Variants in HMCN1 observed in about 807,000 individuals in gnomAD.
HMCN1 encodes hemicentin 1.
A neutral mutation model predicts 625.9 loss-of-function variants in HMCN1; 321 were observed. The observed-to-expected ratio is 0.51, with a 90% confidence interval of 0.47 to 0.56. HMCN1 has a LOEUF of 0.56. HMCN1 is among the 20% of genes least tolerant of loss of function. The probability of loss-of-function intolerance (pLI) is 0.00; values close to 1 mark genes in which losing one functional copy is unlikely to be tolerated. For synonymous variants in HMCN1, 2,425 were observed against 2,417.6 expected (o/e 1.00, Z -0.09); for missense variants, 6,588 against 6,887.3 (o/e 0.96, Z 1.54).
intron 97 of HMCN1, among the ~76,000 whole-genome samples, chr1:186,158,400 A>G (rs1651182805): frequency 6.6e-6 from 1 of 151,928 alleles, no homozygotes; most frequent in African/African-American, 2.4e-5. Context: ...CTGTTCACTC[A>G]TGGTAGTTTC....
chr1:186,026,181 G>A (rs1242108349), intron 36 of HMCN1, among the ~76,000 whole-genome samples: 1 of 152,136 alleles, frequency 6.6e-6, no homozygotes, highest in Non-Finnish European at 1.5e-5. Context: ...CTGATAATTG[G>A]AGATGTTAAA....
chr1:186,117,869 A>G (rs1351490081), intron 77 of HMCN1, among the ~76,000 whole-genome samples: 1 of 152,170 alleles, frequency 6.6e-6, no homozygotes, highest in Non-Finnish European at 1.5e-5. Flanking sequence ...TATAATAAAC[A>G]TGATCACCGG....
chr1:185,879,107 A>G (rs77718623), intron 4 of HMCN1, among the ~76,000 whole-genome samples: 4,184 of 152,280 alleles, frequency 0.027, 176 homozygotes, highest in African/African-American at 0.09. Context: ...TTCTATTTTC[A>G]TAATTGCCTT....
chr1:185,863,116 A>T (rs1662974561), intron 2 of HMCN1, among the ~76,000 whole-genome samples: 3 of 152,200 alleles, frequency 2.0e-5, no homozygotes, highest in Admixed American at 2.0e-4. Context: ...AAAATCAAAT[A>T]GGATTTCCAG....
Position 185,912,571 on chromosome 1 carries a change from A to G in HMCN1, c.900+791A>G, listed in dbSNP as rs191391231. Among the ~76,000 whole-genome samples, 14 of 151,836 alleles carry G rather than the reference A, an allele frequency of 9.2e-5. No homozygotes were observed. In the East Asian group the frequency reaches 1.9e-3, roughly 21 times the overall value. On this transcript the variant is annotated intron_variant, in intron 6 of 106. Transcript: ENST00000271588. ...CAGATGCCCTGAGTGACTTGCCCAT[A>G]TTTCTCAGGCTTTTCAGTGTACTTC... is the stretch of plus-strand genomic sequence containing the variant.
intron 4 of HMCN1, among the ~76,000 whole-genome samples, chr1:185,885,343 A>G (rs986429885): frequency 1.3e-5 from 2 of 151,998 alleles, no homozygotes; most frequent in African/African-American, 4.8e-5. Flanking sequence ...AAAGACCATG[A>G]TTATATGGTT....
In HMCN1 at chr1:186,125,689, C is replaced by A. The variant is rs1661607692; in HGVS notation, c.12585C>A (p.Ile4195=). 1.9e-6 allele frequency: 3 copies of A among 1,612,080 alleles called. No homozygotes were observed. The highest frequency in any genetic ancestry group is 2.7e-5 in the African/African-American group (2 of 74,946). ...QAILPCVADG[I]PTPAINWKKD... is the part of the protein sequence containing the mutation. ...TTCTTCCATGCGTAGCTGATGGAAT[C>A]CCCACACCAGCAATTAACTGGAAAA... is the stretch of plus-strand genomic sequence containing the variant. The change falls in exon 82 of 107, where the codon ATC becomes ATA. Residue 4195 remains isoleucine (I), a synonymous_variant. Coordinates refer to ENST00000271588, the MANE Select transcript of HMCN1 (RefSeq NM_031935.3).
At chr1:185,930,285 C>A (rs1203759546) in intron 10 of HMCN1, among the ~76,000 whole-genome samples, 2 of 152,158 alleles carry the variant, frequency 1.3e-5, no homozygotes, top group African/African-American at 4.8e-5. Context: ...CAGCAGAAGT[C>A]ACAAGTGAGT....
intron 1 of HMCN1, among the ~76,000 whole-genome samples, chr1:185,828,090 G>A (rs1660633709): frequency 6.6e-6 from 1 of 152,150 alleles, no homozygotes; most frequent in African/African-American, 2.4e-5. Flanking sequence ...TAGAAGAAAA[G>A]TTAAGCAAGA....
intron 82 of HMCN1, 59 bp from the exon 83 acceptor site, chr1:186,128,019 A>AT: frequency 1.4e-6 from 2 of 1,436,676 alleles, no homozygotes; most frequent in South Asian, 2.3e-5. Flanking sequence ...AATTTGATGT[A>AT]TTTTATGTAC....
At chr1:186,152,652 C>A (rs972588700) in intron 95 of HMCN1, 98 bp from the exon 96 acceptor site, 3 of 1,476,246 alleles carry the variant, frequency 2.0e-6, no homozygotes, top group African/African-American at 1.4e-5. Context: ...AGTTTGAACT[C>A]AAAAAGCATA....
In HMCN1 at chr1:186,119,899, T is replaced by A; in HGVS notation, c.12094+17T>A. Reference sequence around the variant, plus strand: ...ACACTTCAGGTACCTACCACTGTTTTTCTATCAAGAAAATCATAGCACATC... The same window carrying A: ...ACACTTCAGGTACCTACCACTGTTTATCTATCAAGAAAATCATAGCACATC... On this transcript the variant is annotated intron_variant, in intron 79 of 106. Transcript: ENST00000271588. 1 of 1,614,096 alleles carries A rather than the reference T, an allele frequency of 6.2e-7. No homozygotes were observed. The highest frequency in any genetic ancestry group is 8.5e-7 in the Non-Finnish European group (1 of 1,179,958).
intron 48 of HMCN1, among the ~76,000 whole-genome samples, chr1:186,063,034 A>ATGTG (rs376321567): frequency 0.015 from 1,417 of 95,044 alleles, 23 homozygotes; most frequent in Non-Finnish European, 0.019. Context: ...ATTCCATGGA[A>ATGTG]TGTGTGTGTG....
chr1:186,134,685 TG>T (rs1462935700), intron 86 of HMCN1, among the ~76,000 whole-genome samples: 2 of 152,188 alleles, frequency 1.3e-5, no homozygotes, highest in Admixed American at 6.6e-5. Context: ...AACACATTTT[TG>T]TTCTATTTTT....
chr1:186,012,714 AT>A (rs1654084153), intron 30 of HMCN1, among the ~76,000 whole-genome samples: 1 of 152,162 alleles, frequency 6.6e-6, no homozygotes. Flanking sequence ...CCTCTCAGAA[AT>A]TTAGTTTGGT....
At chr1:185,893,343 A>G (rs1665270285) in intron 4 of HMCN1, among the ~76,000 whole-genome samples, 1 of 152,132 alleles carries the variant, frequency 6.6e-6, no homozygotes, top group African/African-American at 2.4e-5. Flanking sequence ...CCACTTGGGG[A>G]GACTTAAAAG....
chr1:185,870,999 A>G (rs1450092894), intron 4 of HMCN1, among the ~76,000 whole-genome samples: 2 of 152,030 alleles, frequency 1.3e-5, no homozygotes, highest in Non-Finnish European at 2.9e-5. Flanking sequence ...TGGGAGGCCA[A>G]GGTGGGCGGA....
intron 4 of HMCN1, among the ~76,000 whole-genome samples, chr1:185,887,441 A>G (rs1422805977): frequency 5.3e-5 from 8 of 149,834 alleles, no homozygotes; most frequent in Non-Finnish European, 1.0e-4. Flanking sequence ...ATATCTCCCA[A>G]TGCTATCCCT....
rs748933934 is a variant in HMCN1, at chr1:186,119,886, C to CCT, written c.12094+5_12094+6dup. On this transcript the variant is annotated splice_donor_region_variant and intron_variant, in intron 79 of 106. Transcript: ENST00000271588. ...GGCATCAATGTTAACACTTCAGGTA[C>CCT]CTACCACTGTTTTTCTATCAAGAAA... is the stretch of plus-strand genomic sequence containing the variant. 5 of 1,614,044 alleles carry CCT rather than the reference C, an allele frequency of 3.1e-6. No individual in the cohort carries two copies. In the South Asian group the frequency reaches 5.5e-5, roughly 18 times the overall value.
Sources: allele counts gnomAD v4.1 joint callset (sites outside exome capture counted in the v4.1 genomes callset), GRCh38; gene constraint gnomAD v4.1.1; transcripts MANE v1.5; gene names NCBI Gene and HGNC (gene_info 2026-07-23, HGNC 2026-07-21).